The following TENM3 variants were observed in gnomAD, a reference collection of about 807,000 sequenced individuals.
The protein encoded by TENM3 is teneurin transmembrane protein 3.
In TENM3, 63 loss-of-function variants were observed where a neutral mutation model predicts 255.1. The ratio of observed to expected loss-of-function variants is 0.25; its 90% confidence interval spans 0.20 to 0.30. The LOEUF (loss-of-function observed/expected upper bound fraction) is 0.30, where lower values mean the gene tolerates loss of function less well. TENM3 is among the 10% of genes least tolerant of loss of function. The pLI, the probability that TENM3 is intolerant of heterozygous loss-of-function variation, is 1.00. For missense variants in TENM3, 2,929 were observed against 3,461.1 expected (o/e 0.85, Z 3.86); for synonymous variants, 1,306 against 1,322.3 (o/e 0.99, Z 0.27).
At chr4:182,471,383 C>G (rs889561218) in intron 3 of TENM3, among the ~76,000 whole-genome samples, 1 of 152,092 alleles carries the variant, frequency 6.6e-6, no homozygotes, top group African/African-American at 2.4e-5. Flanking sequence ...ACTGAGTGTA[C>G]TTACACAAAC....
In TENM3 at chr4:182,793,878, C is replaced by T. The variant is rs766401374; in HGVS notation, c.7206C>T (p.Tyr2402=). 3.7e-6 allele frequency: 6 copies of T among 1,601,928 alleles called. 1 individual carries two copies. In the South Asian group the frequency reaches 6.7e-5, roughly 18 times the overall value. Residue 2402 remains tyrosine (Y), a synonymous_variant, in exon 26 of 28, where the codon TAC becomes TAT. Transcript: ENST00000511685. The surrounding 1 kb of genome is among the most constrained non-coding windows in gnomAD (Gnocchi z 5.7). The stretch of plus-strand genomic sequence containing the variant: ...GCAAAATCCATGACGTGAAAGATTA[C>T]ATCACAGGTAAGCATTTTGATTCCT... ...PASKIHDVKD[Y]ITDVNSWLVT...
intron 3 of TENM3, among the ~76,000 whole-genome samples, chr4:182,480,367 G>T (rs902414557): frequency 6.6e-6 from 1 of 152,026 alleles, no homozygotes; most frequent in Admixed American, 6.6e-5. Context: ...AAATATAGCT[G>T]CTGGAGGCTC....
intron 3 of TENM3, among the ~76,000 whole-genome samples, chr4:182,590,330 C>T (rs964157084): frequency 6.6e-6 from 1 of 151,634 alleles, no homozygotes; most frequent in Non-Finnish European, 1.5e-5. Context: ...CTAGTCTTCT[C>T]CTTGTTCATT....
intron 4 of TENM3, among the ~76,000 whole-genome samples, chr4:182,612,517 A>G (rs994709764): frequency 2.6e-5 from 4 of 152,144 alleles, no homozygotes; most frequent in African/African-American, 9.7e-5. Flanking sequence ...TATCTTTCTG[A>G]TTTTTAGACA....
the TENM3 span, among the ~76,000 whole-genome samples, chr4:181,588,496 A>G: frequency 6.6e-6 from 1 of 152,132 alleles, no homozygotes; most frequent in African/African-American, 2.4e-5. Flanking sequence ...AATGTCGAGG[A>G]AGGTGGTCAA....
At chr4:181,699,481 GAA>G in the TENM3 span, among the ~76,000 whole-genome samples, 1 of 85,110 alleles carries the variant, frequency 1.2e-5, no homozygotes, top group Non-Finnish European at 2.5e-5. Flanking sequence ...AAGAAAGAAA[GAA>G]AAAGAAAATA....
chr4:181,926,139 T>A, the TENM3 span, among the ~76,000 whole-genome samples: 3 of 152,306 alleles, frequency 2.0e-5, no homozygotes, highest in East Asian at 1.9e-4. Context: ...AAATTCAGTA[T>A]CTTTTAAATA....
At chr4:182,095,744 A>AT in the TENM3 span, among the ~76,000 whole-genome samples, 32 of 152,296 alleles carry the variant, frequency 2.1e-4, no homozygotes, top group South Asian at 2.1e-3. Flanking sequence ...AAACAAAAAA[A>AT]ATATAAATTC....
At chr4:181,991,903 GATTTACTACTCA>G in the TENM3 span, among the ~76,000 whole-genome samples, 1 of 152,138 alleles carries the variant, frequency 6.6e-6, no homozygotes, top group East Asian at 1.9e-4. Flanking sequence ...AAAATCCTTA[GATTTACTACTCA>G]CAATCCTGCC....
At chr4:182,515,634 T>G (rs1357627649) in intron 3 of TENM3, among the ~76,000 whole-genome samples, 1 of 152,172 alleles carries the variant, frequency 6.6e-6, no homozygotes, top group Admixed American at 6.5e-5. Flanking sequence ...TTGGAGAGAC[T>G]TAATATCAAC....
the TENM3 span, among the ~76,000 whole-genome samples, chr4:181,663,036 T>C: frequency 2.0e-5 from 3 of 152,204 alleles, no homozygotes; most frequent in Non-Finnish European, 2.9e-5. Flanking sequence ...GTTTCAAGAC[T>C]ATTTATTTCC....
chr4:182,049,780 C>A, the TENM3 span, among the ~76,000 whole-genome samples: 2 of 152,104 alleles, frequency 1.3e-5, no homozygotes. Flanking sequence ...GTTTATTTAT[C>A]TTTACCATGG....
chr4:181,936,931 T>C, the TENM3 span, among the ~76,000 whole-genome samples: 1 of 152,070 alleles, frequency 6.6e-6, no homozygotes, highest in South Asian at 2.1e-4. Flanking sequence ...CTTTCATAAA[T>C]AATAAAACAA....
intron 4 of TENM3, among the ~76,000 whole-genome samples, chr4:182,611,315 G>GA (rs1748981779): frequency 7.8e-6 from 1 of 127,874 alleles, no homozygotes; most frequent in Non-Finnish European, 1.7e-5. Context: ...ATTAAGAATT[G>GA]AAAGGATGAA....
intron 1 of TENM3, among the ~76,000 whole-genome samples, chr4:182,158,727 T>G (rs1248469728): frequency 6.6e-6 from 1 of 152,090 alleles, no homozygotes; most frequent in Non-Finnish European, 1.5e-5. Flanking sequence ...CCAGAGTCAA[T>G]ACAAGGCTCT....
chr4:182,597,160 T>G (rs901035317), intron 3 of TENM3, among the ~76,000 whole-genome samples: 1 of 152,180 alleles, frequency 6.6e-6, no homozygotes, highest in Non-Finnish European at 1.5e-5. Context: ...CTCAGTACTT[T>G]GGGAGGCCTC....
chr4:182,613,179 G>A (rs1005156734), intron 4 of TENM3, among the ~76,000 whole-genome samples: 2 of 152,048 alleles, frequency 1.3e-5, no homozygotes, highest in African/African-American at 4.8e-5. Flanking sequence ...TTTTAACATG[G>A]TCTTTTTCAT....
the TENM3 span, among the ~76,000 whole-genome samples, chr4:181,824,369 G>A: frequency 6.6e-6 from 1 of 151,858 alleles, no homozygotes; most frequent in Non-Finnish European, 1.5e-5. Flanking sequence ...CCAAATTGTT[G>A]GGATTATAGG....
At chr4:181,888,954 T>C in the TENM3 span, among the ~76,000 whole-genome samples, 2 of 151,822 alleles carry the variant, frequency 1.3e-5, no homozygotes, top group Non-Finnish European at 2.9e-5. Context: ...GGATCTTCCT[T>C]TGTCAGTTCA....
Sources: allele counts gnomAD v4.1 joint callset (sites outside exome capture counted in the v4.1 genomes callset), GRCh38; gene constraint gnomAD v4.1.1; non-coding constraint Gnocchi (gnomAD v3.1); transcripts MANE v1.5; gene names NCBI Gene and HGNC (gene_info 2026-07-23, HGNC 2026-07-21).